The following PPP1R13B variants were observed in gnomAD, a reference collection of about 807,000 sequenced individuals.
PPP1R13B encodes the protein protein phosphatase 1 regulatory subunit 13B.
PPP1R13B carries 44 observed loss-of-function variants against 119.8 expected under a neutral mutation model. The observed-to-expected ratio is 0.37, with a 90% CI of 0.29 to 0.47. The LOEUF (loss-of-function observed/expected upper bound fraction) is 0.47. Ranked by LOEUF, PPP1R13B falls within the 20% of genes least tolerant of loss-of-function variation. The pLI, the probability that PPP1R13B is intolerant of heterozygous loss-of-function variation, is 0.99. For missense variants in PPP1R13B, 1,227 were observed against 1,413.5 expected, an observed-to-expected ratio of 0.87 and a Z score of 2.12; for synonymous variants, 542 against 561.5, an observed-to-expected ratio of 0.97 and a Z score of 0.49.
intron 1 of PPP1R13B, among the ~76,000 whole-genome samples, chr14:103,802,929 A>T (rs944472335): frequency 2.6e-5 from 4 of 152,208 alleles, no homozygotes; most frequent in African/African-American, 9.6e-5. Context: ...AGCAAAATTC[A>T]TTTTCCCTAA....
intron 1 of PPP1R13B, among the ~76,000 whole-genome samples, chr14:103,826,646 T>C (rs1461880918): frequency 6.7e-6 from 1 of 149,880 alleles, no homozygotes; most frequent in African/African-American, 2.5e-5. Context: ...GTATAGGCCA[T>C]GCACAGTGGG....
At chr14:103,769,617 C>T (rs1257054986) in intron 4 of PPP1R13B, among the ~76,000 whole-genome samples, 1 of 152,152 alleles carries the variant, frequency 6.6e-6, no homozygotes, top group Non-Finnish European at 1.5e-5. Flanking sequence ...ATCCCTAATG[C>T]AAAACTCTAG....
intron 1 of PPP1R13B, among the ~76,000 whole-genome samples, chr14:103,841,905 T>C (rs2086917832): frequency 1.3e-5 from 2 of 152,074 alleles, no homozygotes; most frequent in Non-Finnish European, 2.9e-5. Flanking sequence ...TGCCTGAAAA[T>C]TACCACATCC....
intron 1 of PPP1R13B, among the ~76,000 whole-genome samples, chr14:103,830,857 T>C (rs2086650343): frequency 6.6e-6 from 1 of 152,128 alleles, no homozygotes; most frequent in Non-Finnish European, 1.5e-5. Context: ...TAAAATATGT[T>C]CTAAAATTTG....
At position 103,815,910 on chromosome 14, in the gene PPP1R13B, C is replaced by T. The variant is rs189436746; in HGVS notation, c.10-18392G>A. On this transcript the variant is annotated intron_variant, in intron 1 of 16. Coordinates refer to ENST00000202556, the MANE Select transcript of PPP1R13B (RefSeq NM_015316.3). Reference sequence around the variant, plus strand: ...CATCCTGGCTAACACGGTAAAACCCCGTCTCTATTAAAAATACGAAAACAT... The same window carrying T: ...CATCCTGGCTAACACGGTAAAACCCTGTCTCTATTAAAAATACGAAAACAT... Among the ~76,000 whole-genome samples the T allele has an allele frequency of 3.6e-3, 553 of 151,962 alleles. 5 individuals carry two copies. Among genetic ancestry groups the T allele is most frequent in the African/African-American group, 0.013 (536 of 41,462 alleles).
chr14:103,793,417 A>C (rs1022797470), intron 2 of PPP1R13B, among the ~76,000 whole-genome samples: 2 of 152,088 alleles, frequency 1.3e-5, no homozygotes. Flanking sequence ...TTCCCCCTTC[A>C]CTTGACATTT....
chr14:103,752,841 G>A (rs1384681421), intron 7 of PPP1R13B, among the ~76,000 whole-genome samples, 159 bp downstream of exon 7: 1 of 152,084 alleles, frequency 6.6e-6, no homozygotes, highest in Non-Finnish European at 1.5e-5. Context: ...CCTATCCCAA[G>A]TCATTTAAAA....
chr14:103,800,622 T>G (rs1273834941), intron 1 of PPP1R13B, among the ~76,000 whole-genome samples: 1 of 151,178 alleles, frequency 6.6e-6, no homozygotes, highest in African/African-American at 2.4e-5. Flanking sequence ...ACCATTTCAC[T>G]CCAGCCTGGG....
At chr14:103,773,215 A>T (rs1410466351) in intron 4 of PPP1R13B, among the ~76,000 whole-genome samples, 1 of 152,186 alleles carries the variant, frequency 6.6e-6, no homozygotes, top group Non-Finnish European at 1.5e-5. Flanking sequence ...GTACAAAGAG[A>T]CCAAAAAAGA....
chr14:103,795,271 T>C (rs1433530446), intron 2 of PPP1R13B, among the ~76,000 whole-genome samples: 5 of 152,162 alleles, frequency 3.3e-5, no homozygotes, highest in South Asian at 2.1e-4. Flanking sequence ...ACGACAGTAT[T>C]AGAGCACAGG....
intron 1 of PPP1R13B, among the ~76,000 whole-genome samples, chr14:103,822,788 G>A: frequency 6.6e-6 from 1 of 152,006 alleles, no homozygotes; most frequent in South Asian, 2.1e-4. Context: ...ACTCCAGTCT[G>A]AGAGACAGAG....
chr14:103,820,257 G>C (rs1567149322), intron 1 of PPP1R13B, among the ~76,000 whole-genome samples: 1 of 152,158 alleles, frequency 6.6e-6, no homozygotes, highest in African/African-American at 2.4e-5. Context: ...GCAAACACAG[G>C]AAAGCCCCAG....
At chr14:103,767,232 T>A (rs985823304) in intron 4 of PPP1R13B, among the ~76,000 whole-genome samples, 3 of 152,152 alleles carry the variant, frequency 2.0e-5, no homozygotes, top group African/African-American at 7.2e-5. Flanking sequence ...AGAGGACTGC[T>A]TGAGCCCGGG....
chr14:103,770,544 C>G (rs2085044160), intron 4 of PPP1R13B, among the ~76,000 whole-genome samples: 1 of 151,960 alleles, frequency 6.6e-6, no homozygotes, highest in Non-Finnish European at 1.5e-5. Context: ...CATATCCATT[C>G]AATTCAATAC....
intron 4 of PPP1R13B, among the ~76,000 whole-genome samples, chr14:103,770,144 C>T (rs1238172205): frequency 2.6e-5 from 4 of 151,742 alleles, no homozygotes; most frequent in African/African-American, 7.3e-5. Flanking sequence ...CCACCTACCT[C>T]GGCCTCCCAA....
At chr14:103,739,181 T>A in intron 12 of PPP1R13B, 158 bp from the exon 13 acceptor site, 1 of 976,726 alleles carries the variant, frequency 1.0e-6, no homozygotes, top group Non-Finnish European at 1.5e-6. Flanking sequence ...GGTGACCACC[T>A]CAAATAAGGG....
In PPP1R13B at chr14:103,740,145, A is replaced by G. The variant is rs375262577; in HGVS notation, c.2271T>C (p.Asp757=). The G allele has an allele frequency of 1.6e-4, 255 of 1,613,440 alleles. 3 individuals carry two copies. In the Middle Eastern group the frequency reaches 3.8e-3, roughly 24 times the overall value. The change falls in exon 12 of 17, where the codon GAT becomes GAC. Residue 757 remains aspartate (D), a synonymous_variant. Coordinates refer to ENST00000202556, the MANE Select transcript of PPP1R13B (RefSeq NM_015316.3). The surrounding 1 kb of genome is among the most constrained non-coding windows in gnomAD (Gnocchi z 4.6). ...PSQDFMGTLA[D]VDNGNTNANG... ...TGGCATTGGTGTTTCCATTGTCCAC[A>G]TCGGCCAAGGTGCCCATGAAGTCCT...
At chr14:103,840,340 C>G (rs2086874028) in intron 1 of PPP1R13B, among the ~76,000 whole-genome samples, 1 of 152,202 alleles carries the variant, frequency 6.6e-6, no homozygotes, top group Non-Finnish European at 1.5e-5. Context: ...ATACAATAAC[C>G]CAGTGATATT....
In PPP1R13B at chr14:103,742,835, C is replaced by G. The variant is rs764960991; in HGVS notation, c.1151-12G>C. ...GTTTCCATCATTAGCTTGAAAAGAA[C>G]ACAGAACTTACGTAAAACTTTTCTC... On this transcript the variant is annotated splice_polypyrimidine_tract_variant and intron_variant, in intron 9 of 16. Coordinates refer to ENST00000202556, the MANE Select transcript of PPP1R13B (RefSeq NM_015316.3). This position sits in a 1 kb window ranked among gnomAD's most constrained non-coding sequence, Gnocchi z 4.9. 6.2e-7 allele frequency: 1 copy of G among 1,613,632 alleles called. No individual in the cohort carries two copies. The highest frequency in any genetic ancestry group is 1.7e-5 in the Admixed American group (1 of 59,974).
Sources: allele counts gnomAD v4.1 joint callset (sites outside exome capture counted in the v4.1 genomes callset), GRCh38; gene constraint gnomAD v4.1.1; non-coding constraint Gnocchi (gnomAD v3.1); transcripts MANE v1.5; gene names NCBI Gene and HGNC (gene_info 2026-07-23, HGNC 2026-07-21).